Variants in DIP2C observed in about 807,000 individuals in gnomAD.
DIP2C encodes disco-interacting protein 2 homolog C.
In DIP2C, 33 loss-of-function variants were observed where a neutral mutation model predicts 192.4. The ratio of observed to expected loss-of-function variants is 0.17; its 90% CI spans 0.13 to 0.23. The LOEUF is 0.23. Among genes scored for constraint, DIP2C ranks in the 10% least tolerant of loss-of-function variants. The pLI is 1.00. For missense variants in DIP2C, 1,537 were observed against 2,110.1 expected (o/e 0.73, Z 5.32); for synonymous variants, 979 against 864.1 (o/e 1.13, Z -2.33).
chr10:661,816 C>G (rs1856779242), intron 1 of DIP2C, among the ~76,000 whole-genome samples: 1 of 152,250 alleles, frequency 6.6e-6, no homozygotes, highest in Non-Finnish European at 1.5e-5. Flanking sequence ...AAACTCGCAG[C>G]TTGCGGTGGT....
At chr10:637,988 AATCC>A (rs1241947109) in intron 1 of DIP2C, among the ~76,000 whole-genome samples, 3 of 152,332 alleles carry the variant, frequency 2.0e-5, no homozygotes, top group African/African-American at 7.2e-5. Flanking sequence ...CCCAAGGCCT[AATCC>A]CTCCACCAGG....
chr10:587,621 G>T (rs1426903254), intron 1 of DIP2C, among the ~76,000 whole-genome samples: 1 of 128,056 alleles, frequency 7.8e-6, no homozygotes, highest in East Asian at 2.5e-4. Context: ...CCTCAGCCCT[G>T]ACCCTCCTGA....
chr10:439,478 G>A (rs189665067), intron 4 of DIP2C, among the ~76,000 whole-genome samples: 5 of 152,316 alleles, frequency 3.3e-5, no homozygotes, highest in Admixed American at 3.3e-4. Context: ...TTAGCTGGGT[G>A]TGGTGGCATG....
intron 1 of DIP2C, among the ~76,000 whole-genome samples, chr10:536,107 G>C (rs1231717473): frequency 6.6e-6 from 1 of 152,188 alleles, no homozygotes; most frequent in Admixed American, 6.5e-5. Flanking sequence ...CACAATCAAG[G>C]TGTGGGCAGG....
intron 1 of DIP2C, among the ~76,000 whole-genome samples, chr10:594,460 G>C (rs977237332): frequency 6.6e-6 from 1 of 151,308 alleles, no homozygotes; most frequent in Non-Finnish European, 1.5e-5. Flanking sequence ...ACATGGCCGA[G>C]TACAAACCAT....
intron 3 of DIP2C, among the ~76,000 whole-genome samples, chr10:443,837 T>C (rs1374675130): frequency 6.6e-6 from 1 of 152,224 alleles, no homozygotes; most frequent in Non-Finnish European, 1.5e-5. Context: ...GAAAAATCTA[T>C]CAAATAGAGT....
At chr10:595,062 G>A (rs778074859) in intron 1 of DIP2C, among the ~76,000 whole-genome samples, 2 of 152,172 alleles carry the variant, frequency 1.3e-5, no homozygotes, top group East Asian at 1.9e-4. Context: ...CCACCGACCC[G>A]CAGGTCTTCT....
At chr10:603,297 TCAAA>T (rs1852216792) in intron 1 of DIP2C, among the ~76,000 whole-genome samples, 1 of 32,986 alleles carries the variant, frequency 3.0e-5, no homozygotes, top group Non-Finnish European at 4.6e-5. Context: ...AGACTCCATC[TCAAA>T]AAAAAAAAAA....
intron 1 of DIP2C, among the ~76,000 whole-genome samples, chr10:552,678 G>A (rs957474655): frequency 3.3e-5 from 5 of 152,278 alleles, no homozygotes; most frequent in South Asian, 4.1e-4. Context: ...GTGAAACCCC[G>A]TCTCTAGTAA....
intron 1 of DIP2C, among the ~76,000 whole-genome samples, chr10:556,104 G>A (rs1168933916): frequency 1.6e-4 from 4 of 25,260 alleles, no homozygotes; most frequent in East Asian, 2.2e-3. Context: ...TTCCATAGCC[G>A]GATCCCCGGA....
intron 2 of DIP2C, among the ~76,000 whole-genome samples, chr10:481,674 C>G (rs1016882365): frequency 2.6e-5 from 4 of 152,368 alleles, no homozygotes. Context: ...CAGATAGACA[C>G]CTGAGGCAGT....
At chr10:399,688 T>G (rs1394870130) in intron 9 of DIP2C, among the ~76,000 whole-genome samples, 1 of 151,990 alleles carries the variant, frequency 6.6e-6, no homozygotes. Context: ...AAAGTGAGAA[T>G]AATGATAGAG....
chr10:574,087 T>C (rs1849994835), intron 1 of DIP2C, among the ~76,000 whole-genome samples: 1 of 152,234 alleles, frequency 6.6e-6, no homozygotes, highest in South Asian at 2.1e-4. Context: ...AAAACTTCAA[T>C]GCTTTTCTCA....
rs375172273 is a variant in DIP2C, at chr10:603,991, C to G, written c.85+85503G>C. On this transcript the variant is annotated intron_variant, in intron 1 of 36. Coordinates refer to ENST00000280886, the MANE Select transcript of DIP2C (RefSeq NM_014974.3). ...TGGCCCCAAGCCCCTCCGGCCCCAG[C>G]TCCCTCATCAGCCCCACAACACCAC... Among the ~76,000 whole-genome samples the G allele has an allele frequency of 4.8e-4, 71 of 148,636 alleles. 2 individuals are homozygous for G. The South Asian group carries it at 0.013, about 27-fold the overall frequency.
At chr10:615,725 C>A (rs888589483) in intron 1 of DIP2C, among the ~76,000 whole-genome samples, 1 of 152,116 alleles carries the variant, frequency 6.6e-6, no homozygotes, top group African/African-American at 2.4e-5. Context: ...ACACAGAAAC[C>A]CACTTGGAAG....
chr10:610,083 G>A (rs528217510), intron 1 of DIP2C, among the ~76,000 whole-genome samples: 15 of 152,164 alleles, frequency 9.9e-5, no homozygotes, highest in Non-Finnish European at 1.9e-4. Flanking sequence ...CCTGAGTGCC[G>A]GTCAACAGGG....
At chr10:377,559 G>C (rs892316928) in intron 17 of DIP2C, among the ~76,000 whole-genome samples, 1 of 152,204 alleles carries the variant, frequency 6.6e-6, no homozygotes, top group Non-Finnish European at 1.5e-5. Flanking sequence ...AAATGACACA[G>C]TTTATCTTGC....
intron 1 of DIP2C, among the ~76,000 whole-genome samples, chr10:519,206 A>G (rs1227730040): frequency 6.6e-6 from 1 of 152,214 alleles, no homozygotes; most frequent in Non-Finnish European, 1.5e-5. Context: ...GGGTCTGCAC[A>G]GCCACTAGCT....
At chr10:502,770 A>C (rs1354336711) in intron 1 of DIP2C, among the ~76,000 whole-genome samples, 1 of 152,182 alleles carries the variant, frequency 6.6e-6, no homozygotes, top group Non-Finnish European at 1.5e-5. Flanking sequence ...TTAACAAAGC[A>C]CACAGAGGAT....
Sources: allele counts gnomAD v4.1 joint callset (sites outside exome capture counted in the v4.1 genomes callset), GRCh38; gene constraint gnomAD v4.1.1; transcripts MANE v1.5; gene names NCBI Gene and HGNC (gene_info 2026-07-23, HGNC 2026-07-21).